The following HIBADH variants were observed in gnomAD, a reference collection of about 807,000 sequenced individuals.
The protein encoded by HIBADH is 3-hydroxyisobutyrate dehydrogenase, also known as 3-hydroxyisobutyrate dehydrogenase, mitochondrial.
A neutral mutation model predicts 36.1 loss-of-function variants in HIBADH; 25 were observed. The observed-to-expected ratio is 0.69, with a 90% CI of 0.50 to 0.97. The LOEUF (loss-of-function observed/expected upper bound fraction) is 0.97. Ranked by LOEUF, HIBADH falls within the 50% of genes least tolerant of loss-of-function variation. HIBADH has a pLI of 0.00. For synonymous variants in HIBADH, 160 were observed against 149.5 expected, an observed-to-expected ratio of 1.07 and a Z score of -0.51; for missense variants, 421 against 418.0, an observed-to-expected ratio of 1.01 and a Z score of -0.06.
chr7:27,568,153 C>T (rs1407355596), intron 4 of HIBADH, among the ~76,000 whole-genome samples: 1 of 152,154 alleles, frequency 6.6e-6, no homozygotes, highest in African/African-American at 2.4e-5. Context: ...TCCTGCAGTT[C>T]TATAGTTCTC....
chr7:27,551,583 T>C (rs930764407), intron 4 of HIBADH, among the ~76,000 whole-genome samples: 2 of 134,810 alleles, frequency 1.5e-5, no homozygotes, highest in East Asian at 2.5e-4. Context: ...AGATAAACCA[T>C]GATGCAGGTG....
intron 3 of HIBADH, among the ~76,000 whole-genome samples, chr7:27,630,475 C>T (rs1269118221): frequency 6.6e-6 from 1 of 151,788 alleles, no homozygotes; most frequent in Non-Finnish European, 1.5e-5. Flanking sequence ...GATATACTAA[C>T]CCAGAGGGCA....
At chr7:27,539,181 G>C (rs1784110864) in intron 5 of HIBADH, among the ~76,000 whole-genome samples, 2 of 152,106 alleles carry the variant, frequency 1.3e-5, no homozygotes, top group Non-Finnish European at 2.9e-5. Context: ...TCTTGATGGA[G>C]TTGGTCTGGG....
chr7:27,582,198 A>G (rs1784803297), intron 4 of HIBADH, among the ~76,000 whole-genome samples: 1 of 152,104 alleles, frequency 6.6e-6, no homozygotes, highest in South Asian at 2.1e-4. Flanking sequence ...TTCAACTCTT[A>G]TACAATAAGC....
At chr7:27,576,865 C>T (rs549475443) in intron 4 of HIBADH, among the ~76,000 whole-genome samples, 5 of 152,250 alleles carry the variant, frequency 3.3e-5, no homozygotes, top group Non-Finnish European at 7.4e-5. Context: ...TAATTCTTTA[C>T]TATCCAATAA....
chr7:27,636,910 G>A (rs1237660932), intron 2 of HIBADH, among the ~76,000 whole-genome samples: 1 of 152,168 alleles, frequency 6.6e-6, no homozygotes, highest in Non-Finnish European at 1.5e-5. Flanking sequence ...GTTTTAATTT[G>A]TATCTTCATT....
At chr7:27,570,727 G>T (rs977148066) in intron 4 of HIBADH, among the ~76,000 whole-genome samples, 25 of 152,082 alleles carry the variant, frequency 1.6e-4, no homozygotes, top group African/African-American at 6.0e-4. Context: ...GGAGTAAAAA[G>T]AAAGTATGGT....
intron 6 of HIBADH, 145 bp downstream of exon 6, chr7:27,538,196 T>A: frequency 1.5e-6 from 1 of 648,738 alleles, no homozygotes; most frequent in Non-Finnish European, 2.7e-6. Context: ...ATAAGCAAAG[T>A]CTATTAAAGT....
intron 1 of HIBADH, among the ~76,000 whole-genome samples, chr7:27,657,178 T>C (rs1022337625): frequency 1.3e-5 from 2 of 152,114 alleles, no homozygotes; most frequent in East Asian, 1.9e-4. Context: ...CCAAGCTAAG[T>C]GACAGCTGGG....
chr7:27,570,194 G>A (rs917872080), intron 4 of HIBADH, among the ~76,000 whole-genome samples: 1 of 152,148 alleles, frequency 6.6e-6, no homozygotes, highest in Admixed American at 6.5e-5. Flanking sequence ...TCCTCAGACA[G>A]CTTCTCCAGG....
rs1786124911 is a variant in HIBADH at position 27,648,893 on chromosome 7, CTAA to C, written c.252+577_252+579del. ...CTGTCTCCTGGTTTATGGCCAATAA[CTAA>C]TAATTATTCACAAAGTGCTGCCATA... On this transcript the variant is annotated intron_variant, in intron 2 of 7. Coordinates refer to ENST00000265395, the MANE Select transcript of HIBADH (RefSeq NM_152740.4). 2.0e-5 allele frequency among the ~76,000 whole-genome samples: 3 copies of C among 152,162 alleles called. 1 individual carries two copies. In the South Asian group the frequency reaches 6.2e-4, roughly 32 times the overall value.
At chr7:27,616,975 T>C (rs1318446812) in intron 4 of HIBADH, among the ~76,000 whole-genome samples, 2 of 152,136 alleles carry the variant, frequency 1.3e-5, no homozygotes, top group Non-Finnish European at 1.5e-5. Context: ...CTGAAGTTGA[T>C]TTATTATTGA....
intron 4 of HIBADH, among the ~76,000 whole-genome samples, chr7:27,602,794 T>G (rs538489055): frequency 1.3e-5 from 2 of 152,270 alleles, no homozygotes; most frequent in South Asian, 4.1e-4. Flanking sequence ...CAATTTTACA[T>G]GCAAACGTAC....
intron 4 of HIBADH, among the ~76,000 whole-genome samples, chr7:27,617,979 TG>T (rs1562645981): frequency 6.6e-6 from 1 of 152,206 alleles, no homozygotes; most frequent in Non-Finnish European, 1.5e-5. Flanking sequence ...AGGCAGTACC[TG>T]GGACAAAGGA....
At position 27,560,257 on chromosome 7, in the gene HIBADH, G is replaced by T. The variant is rs529024422; in HGVS notation, c.485-17157C>A. Among the ~76,000 whole-genome samples the T allele has an allele frequency of 1.6e-4, 24 of 152,264 alleles. No individual in the cohort carries two copies. The South Asian group carries it at 3.9e-3, about 25-fold the overall frequency. The stretch of plus-strand genomic sequence containing the variant: ...CTGTCTCAACCTTCCAAGTAGCAGG[G>T]ATTACAGGCGTGCACCACCACGCCT... On this transcript the variant is annotated intron_variant, in intron 4 of 7. Transcript: ENST00000265395.
Position 27,526,184 on chromosome 7 carries a change from C to T in HIBADH, c.*30G>A. The T allele has an allele frequency of 6.4e-7, 1 of 1,572,028 alleles. No homozygotes were observed. Among genetic ancestry groups the T allele is most frequent in the Middle Eastern group, 1.9e-4 (1 of 5,394 alleles). On this transcript the variant is annotated 3_prime_UTR_variant, in exon 8 of 8. Transcript: ENST00000265395. ...GGAGGCTCCAAGACAGAGTTTGGTT[C>T]CCAACAGTGTCCGTGGCCAAAGGGC...
At chr7:27,639,526 C>T (rs1463003524) in intron 2 of HIBADH, among the ~76,000 whole-genome samples, 1 of 152,024 alleles carries the variant, frequency 6.6e-6, no homozygotes, top group African/African-American at 2.4e-5. Context: ...AATCTGTACA[C>T]CAAACTCCTG....
intron 6 of HIBADH, among the ~76,000 whole-genome samples, chr7:27,535,595 T>C (rs1215197324): frequency 6.6e-6 from 1 of 152,142 alleles, no homozygotes; most frequent in Non-Finnish European, 1.5e-5. Flanking sequence ...GTTATTTCTA[T>C]GTGATACACA....
chr7:27,551,913 T>C (rs12540276), intron 4 of HIBADH, among the ~76,000 whole-genome samples: 99,339 of 152,020 alleles, frequency 0.65, 33,393 homozygotes, highest in East Asian at 0.94. Flanking sequence ...GCAATTGTTC[T>C]AATCATTTTC....
Sources: gnomAD v4.1 joint callset for allele counts (sites outside exome capture counted in the v4.1 genomes callset) on GRCh38, gnomAD v4.1.1 for gene constraint, MANE v1.5 for transcripts, NCBI Gene and HGNC (gene_info 2026-07-23, HGNC 2026-07-21) for gene names.